UNC13A: variants seen among roughly 807,000 people sequenced by gnomAD.
UNC13A encodes unc-13 homolog A.
A neutral mutation model predicts 219.7 loss-of-function variants in UNC13A; 61 were observed. That is an observed-to-expected ratio of 0.28 (90% confidence interval 0.23 to 0.34). UNC13A has a LOEUF of 0.34. Among genes scored for constraint, UNC13A ranks in the 10% least tolerant of loss-of-function variants. UNC13A has a pLI of 1.00. For missense variants in UNC13A, 1,476 were observed against 2,270.3 expected (o/e 0.65, Z 7.11); for synonymous variants, 920 against 884.6 (o/e 1.04, Z -0.71).
chr19:17,632,023 G>A (rs1471104856), intron 28 of UNC13A, among the ~76,000 whole-genome samples: 3 of 152,160 alleles, frequency 2.0e-5, no homozygotes, highest in Non-Finnish European at 4.4e-5. Context: ...CAATTCTCAT[G>A]CCTCAGCCTC....
intron 4 of UNC13A, among the ~76,000 whole-genome samples, chr19:17,671,102 G>A (rs982351490): frequency 1.3e-5 from 2 of 152,032 alleles, no homozygotes; most frequent in African/African-American, 2.4e-5. Flanking sequence ...AAACAGGGCT[G>A]GACACAGGCA....
intron 25 of UNC13A, among the ~76,000 whole-genome samples, chr19:17,636,483 C>T (rs922221312): frequency 5.9e-5 from 9 of 152,170 alleles, no homozygotes; most frequent in Non-Finnish European, 8.8e-5. Flanking sequence ...CTTAGCTTAA[C>T]GGAAGTAAGT....
Position 17,649,637 on chromosome 19 carries a change from A to G in UNC13A, c.1440-50T>C, listed in dbSNP as rs192673360. ...GGGCCCAGATGTCCCTATTCCTCACATAGAGCCCTGGGGAGAACATTCAAC... is the reference window on the plus strand; with the variant it reads ...GGGCCCAGATGTCCCTATTCCTCACGTAGAGCCCTGGGGAGAACATTCAAC... On this transcript the variant is annotated intron_variant, in intron 12 of 43. Transcript: ENST00000519716. This position sits in a 1 kb window ranked among gnomAD's most constrained non-coding sequence, Gnocchi z 4.4. 1.9e-6 allele frequency: 3 copies of G among 1,604,104 alleles called. No individual in the cohort carries two copies. The highest frequency in any genetic ancestry group is 1.3e-5 in the African/African-American group (1 of 74,762).
chr19:17,607,914 C>T (rs2076551619), intron 43 of UNC13A, among the ~76,000 whole-genome samples: 1 of 138,954 alleles, frequency 7.2e-6, no homozygotes, highest in Non-Finnish European at 1.5e-5. Context: ...GAGTCTTGCT[C>T]TGTCGCCCAG....
intron 7 of UNC13A, among the ~76,000 whole-genome samples, 193 bp from the exon 8 acceptor site, chr19:17,663,760 G>T (rs536161148): frequency 6.6e-6 from 1 of 152,152 alleles, no homozygotes; most frequent in African/African-American, 2.4e-5. Flanking sequence ...ACCTTGGGAG[G>T]AAGGTGGGAT....
Position 17,669,572 on chromosome 19 carries a change from CGT to C in UNC13A, c.373_374del (p.Thr125AlafsTer3). The part of the protein sequence containing the change: ...DPTFHRILLD[T>X]RFELPLDIPE... ...ACTCACCTAAGGGTAGCTCAAAGCG[CGT>C]GTCCAGGAGGATGCGGTGGAAGGTG... On this transcript the variant is annotated frameshift_variant, in exon 5 of 44. Transcript: ENST00000519716. LOFTEE classifies it high-confidence loss of function. The C allele has an allele frequency of 6.2e-7, 1 of 1,613,726 alleles. No homozygotes were observed. The highest frequency in any genetic ancestry group is 8.5e-7 in the Non-Finnish European group (1 of 1,179,748).
At chr19:17,608,364 T>C (rs1757504274) in intron 43 of UNC13A, among the ~76,000 whole-genome samples, 2 of 117,486 alleles carry the variant, frequency 1.7e-5, no homozygotes, top group South Asian at 4.6e-4. Flanking sequence ...AATATAAATA[T>C]ATATTATATA....
intron 38 of UNC13A, 25 bp from the exon 39 acceptor site, chr19:17,618,987 G>A (rs773365722): frequency 6.2e-7 from 1 of 1,612,844 alleles, no homozygotes; most frequent in Non-Finnish European, 8.5e-7. Context: ...ATACAGCTGG[G>A]TGAGGGCAGG....
chr19:17,604,166 AAG>A lies in UNC13A; in HGVS notation c.*1886_*1887del, dbSNP rs1381155304. The A allele has an allele frequency of 1.3e-5, 2 of 152,100 alleles. No homozygotes were observed. Among genetic ancestry groups the A allele is most frequent in the Non-Finnish European group, 2.9e-5 (2 of 68,056 alleles). 9.4% of individuals were successfully genotyped at this position (152,100 alleles called of 1,614,324 possible). ...CCAAGAATCCATTTCAGTGTCCCCA[AAG>A]CACCTCCACCTCTCCTCACTGGTTT... On this transcript the variant is annotated 3_prime_UTR_variant, in exon 44 of 44. Transcript: ENST00000519716.
intron 36 of UNC13A, chr19:17,623,305 T>C: frequency 2.1e-6 from 1 of 476,458 alleles, no homozygotes; most frequent in Non-Finnish European, 3.7e-6. Flanking sequence ...GAGTGGGTAG[T>C]GGGGCTCCTC....
At chr19:17,632,395 C>T (rs1599355301) in intron 28 of UNC13A, among the ~76,000 whole-genome samples, 1 of 152,152 alleles carries the variant, frequency 6.6e-6, no homozygotes, top group Non-Finnish European at 1.5e-5. Context: ...AGGCTGGTCT[C>T]GAACTCCTGG....
intron 21 of UNC13A, 88 bp from the exon 22 acceptor site, chr19:17,640,749 G>A (rs1257215474): frequency 4.3e-6 from 6 of 1,392,830 alleles, no homozygotes; most frequent in Non-Finnish European, 4.8e-6. Flanking sequence ...GATAGCATCT[G>A]TGAGTGGGTC....
At chr19:17,646,891 G>A (rs936929535) in intron 17 of UNC13A, among the ~76,000 whole-genome samples, 2 of 146,052 alleles carry the variant, frequency 1.4e-5, no homozygotes, top group Non-Finnish European at 3.0e-5. Flanking sequence ...AGGATGGGCT[G>A]ACCCCCTTGC....
At chr19:17,630,827 T>A in intron 28 of UNC13A, 77 bp from the exon 29 acceptor site, 1 of 1,351,406 alleles carries the variant, frequency 7.4e-7, no homozygotes, top group Admixed American at 2.0e-5. Flanking sequence ...TCTGACCCAC[T>A]AACGAGTGGA....
chr19:17,642,253 A>G (rs1395505344), intron 20 of UNC13A, among the ~76,000 whole-genome samples: 1 of 152,038 alleles, frequency 6.6e-6, no homozygotes, highest in Non-Finnish European at 1.5e-5. Flanking sequence ...TCATTCATCT[A>G]TACTCATCCA....
rs1287065237 is a variant in UNC13A at position 17,639,129 on chromosome 19, A to T, written c.3035T>A (p.Phe1012Tyr). Residue 1012 changes from phenylalanine to tyrosine, a missense_variant, in exon 25 of 44, where the codon TTC (phenylalanine) becomes TAC (tyrosine). Coordinates refer to ENST00000519716, the MANE Select transcript of UNC13A (RefSeq NM_001080421.3). ...GCTGTACAGTTCATGGCAGTTATTG[A>T]AGATGTACTCGTAGGTAGAATTAAG... ...ACLNSTYEYIFNNCHELYSRE... is the reference protein window; with the variant it reads ...ACLNSTYEYIYNNCHELYSRE... 6.2e-7 allele frequency: 1 copy of T among 1,613,402 alleles called. No homozygotes were observed. The highest frequency in any genetic ancestry group is 1.7e-5 in the Admixed American group (1 of 59,918).
At chr19:17,660,213 T>C (rs56191520) in intron 8 of UNC13A, among the ~76,000 whole-genome samples, 30,451 of 151,794 alleles carry the variant, frequency 0.2, 3,616 homozygotes, top group African/African-American at 0.33. Flanking sequence ...ATTCTTTCTA[T>C]CCAATTGTCC....
At chr19:17,612,837 C>A (rs2076618833) in intron 41 of UNC13A, among the ~76,000 whole-genome samples, 1 of 151,404 alleles carries the variant, frequency 6.6e-6, no homozygotes, top group African/African-American at 2.4e-5. Context: ...AGAGCAAGAC[C>A]CTGTCTCAGA....
Position 17,605,825 on chromosome 19 carries a change from GCTC to G in UNC13A, c.*226_*228del, listed in dbSNP as rs1449899708. The G allele has an allele frequency of 4.3e-6, 2 of 460,834 alleles. No homozygotes were observed. The highest frequency in any genetic ancestry group is 7.4e-6 in the Non-Finnish European group (2 of 268,508). 28.5% of individuals were successfully genotyped at this position (460,834 alleles called of 1,614,324 possible). A position where few individuals can be genotyped will look rare whatever the true frequency, so the allele number is the denominator to read the frequency against. Reference sequence around the variant, plus strand: ...GGCGTGGCCTCAAGTTGGGGATGTGGCTCCTTCCTTCGTCGCGCCCTTGGGCGT... The same window carrying G: ...GGCGTGGCCTCAAGTTGGGGATGTGGCTTCCTTCGTCGCGCCCTTGGGCGT... On this transcript the variant is annotated 3_prime_UTR_variant, in exon 44 of 44. Transcript: ENST00000519716.
Sources: allele counts gnomAD v4.1 joint callset (sites outside exome capture counted in the v4.1 genomes callset), GRCh38; gene constraint gnomAD v4.1.1; non-coding constraint Gnocchi (gnomAD v3.1); transcripts MANE v1.5; gene names NCBI Gene and HGNC (gene_info 2026-07-23, HGNC 2026-07-21).